The following SSH2 variants were observed in gnomAD, a reference collection of about 807,000 sequenced individuals.
SSH2 encodes slingshot protein phosphatase 2.
Under a neutral mutation model 135.2 loss-of-function variants are expected in SSH2, and 37 were observed. The ratio of observed to expected loss-of-function variants is 0.27; its 90% CI spans 0.21 to 0.36. The LOEUF (loss-of-function observed/expected upper bound fraction) is 0.36, where lower values mean the gene tolerates loss of function less well. Ranked by LOEUF, SSH2 falls within the 10% of genes least tolerant of loss-of-function variation. SSH2 has a pLI of 1.00. For synonymous variants in SSH2, 628 were observed against 646.2 expected, an observed-to-expected ratio of 0.97 and a Z score of 0.43; for missense variants, 1,408 against 1,765.3, an observed-to-expected ratio of 0.80 and a Z score of 3.63.
chr17:29,920,512 T>C (rs2066957494), intron 1 of SSH2, among the ~76,000 whole-genome samples: 1 of 152,218 alleles, frequency 6.6e-6, no homozygotes, highest in Non-Finnish European at 1.5e-5. Context: ...TGGAACACCT[T>C]ATACCTGAAT....
intron 3 of SSH2, among the ~76,000 whole-genome samples, chr17:29,781,317 C>G (rs1232247598): frequency 6.6e-6 from 1 of 151,852 alleles, no homozygotes; most frequent in Non-Finnish European, 1.5e-5. Flanking sequence ...GAAGTCCTAT[C>G]TCAAAGATAA....
intron 1 of SSH2, among the ~76,000 whole-genome samples, chr17:29,850,964 T>G (rs539390070): frequency 1.3e-4 from 19 of 151,958 alleles, no homozygotes; most frequent in Non-Finnish European, 2.5e-4. Context: ...CAGCCTGGGC[T>G]ACAGAGCGAG....
chr17:29,660,708 T>C (rs955150464), intron 11 of SSH2, among the ~76,000 whole-genome samples: 34 of 152,264 alleles, frequency 2.2e-4, no homozygotes, highest in African/African-American at 7.9e-4. Context: ...TAAATCCTCC[T>C]GCAGACTCTG....
chr17:29,809,857 C>T (rs1308485835), intron 2 of SSH2, among the ~76,000 whole-genome samples: 1 of 152,160 alleles, frequency 6.6e-6, no homozygotes, highest in Admixed American at 6.6e-5. Flanking sequence ...CCCACCAGCC[C>T]TACTTATCTT....
intron 1 of SSH2, among the ~76,000 whole-genome samples, chr17:29,908,960 C>T (rs2151470390): frequency 6.6e-6 from 1 of 151,622 alleles, no homozygotes; most frequent in African/African-American, 2.4e-5. Flanking sequence ...GCCTGTAGTC[C>T]CAGCTACTTG....
chr17:29,913,345 A>ATTATATATATATAT (rs1463500620), intron 1 of SSH2, among the ~76,000 whole-genome samples: 2 of 37,504 alleles, frequency 5.3e-5, no homozygotes, highest in South Asian at 1.2e-3. Context: ...AAAAAAAAAA[A>ATTATATATATATAT]AAATATATAT....
chr17:29,833,468 TGTGTCTTTATAG>T (rs908528687), intron 2 of SSH2, among the ~76,000 whole-genome samples: 1 of 152,202 alleles, frequency 6.6e-6, no homozygotes, highest in African/African-American at 2.4e-5. Flanking sequence ...TTAGTCTATA[TGTGTCTTTATAG>T]GTGAAGTGTG....
chr17:29,811,027 G>C lies in SSH2; in HGVS notation c.145-17090C>G, dbSNP rs555926511. ...GTTTGTTTTTTGGAGACAGAGTCTCGCTCTGTTGCACAAGGTGGAGTGCGG... is the reference window on the plus strand; with the variant it reads ...GTTTGTTTTTTGGAGACAGAGTCTCCCTCTGTTGCACAAGGTGGAGTGCGG... On this transcript the variant is annotated intron_variant, in intron 2 of 15. Transcript: ENST00000540801. Among the ~76,000 whole-genome samples the C allele has an allele frequency of 9.9e-5, 15 of 151,950 alleles. No individual in the cohort carries two copies. In the South Asian group the frequency reaches 1.0e-3, roughly 11 times the overall value.
intron 3 of SSH2, among the ~76,000 whole-genome samples, chr17:29,746,547 C>CAAAAAA (rs57217896): frequency 5.9e-5 from 4 of 67,938 alleles, no homozygotes; most frequent in Admixed American, 2.2e-4. Context: ...GACTCTGTCT[C>CAAAAAA]AAAAAAAAAA....
At chr17:29,873,379 C>G (rs961709373) in intron 1 of SSH2, among the ~76,000 whole-genome samples, 5 of 151,522 alleles carry the variant, frequency 3.3e-5, no homozygotes, top group African/African-American at 1.2e-4. Flanking sequence ...GCCAACATGG[C>G]GAAACCCCAT....
chr17:29,922,339 T>C (rs759859270), intron 1 of SSH2, among the ~76,000 whole-genome samples: 1 of 152,172 alleles, frequency 6.6e-6, no homozygotes, highest in Non-Finnish European at 1.5e-5. Flanking sequence ...GCAAATAGTT[T>C]GTAACAAATA....
intron 2 of SSH2, among the ~76,000 whole-genome samples, chr17:29,840,426 TCAACTATGTGCAATTTACAATTAAATCA>T (rs1247244565): frequency 6.6e-6 from 1 of 152,222 alleles, no homozygotes; most frequent in Non-Finnish European, 1.5e-5. Context: ...AGCCAAGGCA[TCAACTATGTGCAATTTACAATTAAATCA>T]CTGTGCTAAG....
chr17:29,632,124 C>T lies in SSH2; in HGVS notation c.3070G>A (p.Glu1024Lys), dbSNP rs2035707305. Residue 1024 changes from glutamate to lysine, a missense_variant, in exon 16 of 16, where the codon GAA becomes AAA. By Grantham distance (56) the Glu-to-Lys change is moderately conservative (BLOSUM62 1). Transcript: ENST00000540801. ...LRTVIPYQES[E>K]TQAVPLPLPK... ...AGGGGAAGAGGGACTGCTTGTGTTTCAGACTCCTGGTATGGAATCACAGTC... is the reference window on the plus strand; with the variant it reads ...AGGGGAAGAGGGACTGCTTGTGTTTTAGACTCCTGGTATGGAATCACAGTC... 1 of 1,614,024 alleles carries T rather than the reference C, an allele frequency of 6.2e-7. No homozygotes were observed. The highest frequency in any genetic ancestry group is 8.5e-7 in the Non-Finnish European group (1 of 1,180,038).
chr17:29,767,628 C>T (rs1445177016), intron 3 of SSH2, among the ~76,000 whole-genome samples: 2 of 121,356 alleles, frequency 1.6e-5, no homozygotes, highest in Non-Finnish European at 1.9e-5. Flanking sequence ...TGCACACACA[C>T]GCACACACAC....
At chr17:29,894,460 T>C (rs1185570439) in intron 1 of SSH2, among the ~76,000 whole-genome samples, 2 of 152,162 alleles carry the variant, frequency 1.3e-5, no homozygotes, top group African/African-American at 2.4e-5. Context: ...GCATATAAGC[T>C]ATGCACATGC....
At chr17:29,929,668 G>T (rs2067145105) in intron 1 of SSH2, among the ~76,000 whole-genome samples, 1 of 152,116 alleles carries the variant, frequency 6.6e-6, no homozygotes, top group African/African-American at 2.4e-5. Context: ...CCAAAAGGAA[G>T]TGCTCAAGCC....
In SSH2 at chr17:29,674,940, C is replaced by T. The variant is rs143917400; in HGVS notation, c.614+1880G>A. 4.3e-3 allele frequency among the ~76,000 whole-genome samples: 656 copies of T among 152,320 alleles called. 16 individuals are homozygous for T. The highest frequency in any genetic ancestry group is 0.035 in the Admixed American group (538 of 15,298). On this transcript the variant is annotated intron_variant, in intron 8 of 15. Coordinates refer to ENST00000540801, the MANE Select transcript of SSH2 (RefSeq NM_001282129.2). ...CGGGTTGGACAAGCTTGCTTTAGAA[C>T]ATCAAAGCTTGATTTAAGGTTATTA...
chr17:29,690,918 A>G (rs1415313064), intron 5 of SSH2, among the ~76,000 whole-genome samples: 1 of 148,660 alleles, frequency 6.7e-6, no homozygotes, highest in Non-Finnish European at 1.5e-5. Context: ...CTCACTCTTT[A>G]CACACACACA....
chr17:29,779,578 G>A lies in SSH2; in HGVS notation c.188+14316C>T, dbSNP rs531410701. On this transcript the variant is annotated intron_variant, in intron 3 of 15. Coordinates refer to ENST00000540801, the MANE Select transcript of SSH2 (RefSeq NM_001282129.2). Reference sequence around the variant, plus strand: ...ACAGTGGCTGGGCATGGTAGTTTACGCCTGTAATCCCAGCACTTTGGGGTC... The same window carrying A: ...ACAGTGGCTGGGCATGGTAGTTTACACCTGTAATCCCAGCACTTTGGGGTC... Among the ~76,000 whole-genome samples, 4 of 152,128 alleles carry A rather than the reference G, an allele frequency of 2.6e-5. No individual in the cohort carries two copies. The South Asian group carries it at 8.3e-4, about 32-fold the overall frequency.
Sources: gnomAD v4.1 joint callset for allele counts (sites outside exome capture counted in the v4.1 genomes callset) on GRCh38, gnomAD v4.1.1 for gene constraint, MANE v1.5 for transcripts, NCBI Gene and HGNC (gene_info 2026-07-23, HGNC 2026-07-21) for gene names.